Variants in TMEM94 observed in about 807,000 individuals in gnomAD.
The protein encoded by TMEM94 is transmembrane protein 94, also known as ER Mg2+ ATPase.
In TMEM94, 81 loss-of-function variants were observed where a neutral mutation model predicts 158.6. That is an observed-to-expected ratio of 0.51 (90% CI 0.43 to 0.61). TMEM94 has a LOEUF of 0.61. Among genes scored for constraint, TMEM94 ranks in the 20% least tolerant of loss-of-function variants. TMEM94 has a pLI of 0.00. For missense variants in TMEM94, 1,435 were observed against 1,762.0 expected (o/e 0.81, Z 3.32); for synonymous variants, 751 against 730.7 (o/e 1.03, Z -0.45).
chr17:75,494,744 A>C lies in TMEM94; in HGVS notation c.2525A>C (p.Asp842Ala). The change falls in exon 19 of 32, where the codon GAT (aspartate) becomes GCT (alanine). Residue 842 changes from aspartate to alanine, a missense_variant. Asp to Ala is a moderately radical substitution (Grantham distance 126). Around this residue, in one of 3 missense-constraint regions of TMEM94, gnomAD observed 1,051 missense variants for 1,254.4 expected, o/e 0.84. Transcript: ENST00000314256. ...QARLDIVRLI[D>A]GLVNACIRFV... ...CGGCTGGACATCGTGCGCCTCATTG[A>C]TGGGCTTGTCAACGCCTGCATCCGC... 6.2e-7 allele frequency: 1 copy of C among 1,613,672 alleles called. No individual in the cohort carries two copies. Among genetic ancestry groups the C allele is most frequent in the Middle Eastern group, 1.6e-4 (1 of 6,062 alleles).
chr17:75,495,323 A>C lies in TMEM94; in HGVS notation c.2768A>C (p.Glu923Ala). ...GCAGAAGGGCTCCTCCTCATGGAGGAGGAGGGCCACTCGGACCTCATCAGC... is the reference window on the plus strand; with the variant it reads ...GCAGAAGGGCTCCTCCTCATGGAGGCGGAGGGCCACTCGGACCTCATCAGC... Reference protein sequence around the residue: ...DDAEGLLLMEEEGHSDLISFQ... With the variant: ...DDAEGLLLMEAEGHSDLISFQ... Residue 923 changes from glutamate (E) to alanine (A), a missense_variant, in exon 21 of 32, where the codon GAG becomes GCG. Glu to Ala is a moderately radical substitution (Grantham distance 107). Around this residue, in one of 3 missense-constraint regions of TMEM94, gnomAD observed 1,051 missense variants for 1,254.4 expected, o/e 0.84. Transcript: ENST00000314256. The surrounding 1 kb of genome is among the most constrained non-coding windows in gnomAD (Gnocchi z 5.6). The C allele has an allele frequency of 6.2e-7, 1 of 1,613,556 alleles. No homozygotes were observed.
At chr17:75,461,989 T>A (rs181128387) in intron 1 of TMEM94, among the ~76,000 whole-genome samples, 4 of 108,688 alleles carry the variant, frequency 3.7e-5, no homozygotes, top group African/African-American at 1.2e-4. Context: ...ATTTTACAGT[T>A]TTTTTTGTTT....
At position 75,485,607 on chromosome 17, in the gene TMEM94, C is replaced by A; in HGVS notation, c.144+60C>A. On this transcript the variant is annotated intron_variant, in intron 3 of 31. Coordinates refer to ENST00000314256, the MANE Select transcript of TMEM94 (RefSeq NM_014738.6). This position sits in a 1 kb window ranked among gnomAD's most constrained non-coding sequence, Gnocchi z 5.5. ...TGGGATGGCAGGGAAGTGTGGGAGG[C>A]CCCTTCTCAGGACTCTGATGTACCC... 1 of 1,608,526 alleles carries A rather than the reference C, an allele frequency of 6.2e-7. No individual in the cohort carries two copies. Among genetic ancestry groups the A allele is most frequent in the Non-Finnish European group, 8.5e-7 (1 of 1,175,956 alleles).
chr17:75,479,087 A>G (rs941350871), intron 2 of TMEM94, among the ~76,000 whole-genome samples: 2 of 152,054 alleles, frequency 1.3e-5, no homozygotes, highest in African/African-American at 2.4e-5. Context: ...GGCAGAGCCC[A>G]CTCACCCACC....
chr17:75,493,322 A>C, intron 16 of TMEM94, 169 bp from the exon 17 acceptor site: 1 of 837,742 alleles, frequency 1.2e-6, no homozygotes, highest in South Asian at 1.7e-5. Context: ...TGGTGTCTGC[A>C]TTCCAAGCCC....
Position 75,498,095 on chromosome 17 carries a change from C to G in TMEM94, c.3490-80C>G. On this transcript the variant is annotated intron_variant, in intron 27 of 31. Coordinates refer to ENST00000314256, the MANE Select transcript of TMEM94 (RefSeq NM_014738.6). This position sits in a 1 kb window ranked among gnomAD's most constrained non-coding sequence, Gnocchi z 6.7. ...CCCAGGCCTGACCATTTACTAAGAG[C>G]CCGTTGAATACGTGGAAGAGCTAGG... 6 of 1,568,974 alleles carry G rather than the reference C, an allele frequency of 3.8e-6. No homozygotes were observed. The highest frequency in any genetic ancestry group is 5.2e-6 in the Non-Finnish European group (6 of 1,149,538).
intron 1 of TMEM94, among the ~76,000 whole-genome samples, chr17:75,471,061 A>AC (rs1384717303): frequency 2.7e-5 from 4 of 150,908 alleles, no homozygotes; most frequent in Non-Finnish European, 4.4e-5. Flanking sequence ...ATATGGTGAA[A>AC]CCCCGTCTTT....
At chr17:75,462,469 A>G (rs1049760399) in intron 1 of TMEM94, among the ~76,000 whole-genome samples, 2 of 151,636 alleles carry the variant, frequency 1.3e-5, no homozygotes, top group African/African-American at 4.8e-5. Context: ...TATCTCCATA[A>G]TTTCTCAGCT....
In TMEM94 at chr17:75,499,373, G is replaced by A. The variant is rs895702231; in HGVS notation, c.*39G>A. Reference sequence around the variant, plus strand: ...GTGGCTGTAGTTGCCCCCGTCCCTGGGGCTAAAGCCAGACCCATTTCTGAA... The same window carrying A: ...GTGGCTGTAGTTGCCCCCGTCCCTGAGGCTAAAGCCAGACCCATTTCTGAA... On this transcript the variant is annotated 3_prime_UTR_variant, in exon 32 of 32. Coordinates refer to ENST00000314256, the MANE Select transcript of TMEM94 (RefSeq NM_014738.6). The A allele has an allele frequency of 1.3e-6, 2 of 1,582,150 alleles. No homozygotes were observed. Among genetic ancestry groups the A allele is most frequent in the Non-Finnish European group, 1.7e-6 (2 of 1,151,590 alleles).
chr17:75,462,001 G>GTT (rs1230233393), intron 1 of TMEM94, among the ~76,000 whole-genome samples: 27,611 of 82,672 alleles, frequency 0.33, 7,293 homozygotes, highest in Non-Finnish European at 0.44. Flanking sequence ...TTTTTGTTTT[G>GTT]TTTTGTTTTG....
Position 75,495,240 on chromosome 17 carries a change from A to T in TMEM94, c.2729-44A>T. ...CTCTGCAGGGCAAGGACAGGTTCCCAGAAGGCTGGTCCCAAGGTGAGGGAG... is the reference window on the plus strand; with the variant it reads ...CTCTGCAGGGCAAGGACAGGTTCCCTGAAGGCTGGTCCCAAGGTGAGGGAG... On this transcript the variant is annotated intron_variant, in intron 20 of 31. Coordinates refer to ENST00000314256, the MANE Select transcript of TMEM94 (RefSeq NM_014738.6). The surrounding 1 kb of genome is among the most constrained non-coding windows in gnomAD (Gnocchi z 5.6). The T allele has an allele frequency of 6.6e-7, 1 of 1,508,554 alleles. No individual in the cohort carries two copies. The highest frequency in any genetic ancestry group is 2.3e-5 in the East Asian group (1 of 43,758). 93.4% of individuals were successfully genotyped at this position (1,508,554 alleles called of 1,614,324 possible).
Position 75,486,279 on chromosome 17 carries a change from C to T in TMEM94, c.273-11C>T. ...CTCCCTGTGGGTGCGGCCTCTCTTT[C>T]CTCCCACCAGCCGTGGGGTGGGGCT... On this transcript the variant is annotated splice_polypyrimidine_tract_variant and intron_variant, in intron 4 of 31. Transcript: ENST00000314256. 1 of 1,613,904 alleles carries T rather than the reference C, an allele frequency of 6.2e-7. No individual in the cohort carries two copies. The highest frequency in any genetic ancestry group is 8.5e-7 in the Non-Finnish European group (1 of 1,179,828).
chr17:75,497,709 A>G, intron 26 of TMEM94, 72 bp from the exon 27 acceptor site: 4 of 1,289,070 alleles, frequency 3.1e-6, no homozygotes, highest in Admixed American at 1.7e-5. Flanking sequence ...GACTCCCTAG[A>G]GGTTCCCTCT....
intron 1 of TMEM94, among the ~76,000 whole-genome samples, chr17:75,460,167 C>CCA (rs1278271103): frequency 6.6e-6 from 1 of 152,102 alleles, no homozygotes; most frequent in Non-Finnish European, 1.5e-5. Flanking sequence ...TCTCTAGCTC[C>CCA]CAAGGCCAGA....
chr17:75,496,369 T>C lies in TMEM94; in HGVS notation c.3141T>C (p.Asp1047=), dbSNP rs768204716. 9 of 1,614,066 alleles carry C rather than the reference T, an allele frequency of 5.6e-6. No individual in the cohort carries two copies. Among genetic ancestry groups the C allele is most frequent in the Non-Finnish European group, 7.6e-6 (9 of 1,180,036 alleles). ...ATSISMAQAS[D]GLSPLQLSGQ... Reference sequence around the variant, plus strand: ...GCATCAGCATGGCCCAGGCCTCGGATGGCCTTTCTCCCCTGCAGCTGTCAG... The same window carrying C: ...GCATCAGCATGGCCCAGGCCTCGGACGGCCTTTCTCCCCTGCAGCTGTCAG... Residue 1047 remains aspartate (D), a synonymous_variant, in exon 24 of 32, where the codon GAT becomes GAC. Coordinates refer to ENST00000314256, the MANE Select transcript of TMEM94 (RefSeq NM_014738.6).
chr17:75,495,046 G>T lies in TMEM94; in HGVS notation c.2728+12G>T. 1 of 1,611,464 alleles carries T rather than the reference G, an allele frequency of 6.2e-7. No homozygotes were observed. Among genetic ancestry groups the T allele is most frequent in the Non-Finnish European group, 8.5e-7 (1 of 1,179,040 alleles). On this transcript the variant is annotated intron_variant, in intron 20 of 31. Transcript: ENST00000314256. This position sits in a 1 kb window ranked among gnomAD's most constrained non-coding sequence, Gnocchi z 5.6. ...TGACCTGAATCAGGGTAAGGGCAAA[G>T]GCGTGGGGTGGGGACGGGGTGGCGG...
intron 10 of TMEM94, 35 bp downstream of exon 10, chr17:75,490,385 G>A (rs1281057332): frequency 6.3e-7 from 1 of 1,599,434 alleles, no homozygotes; most frequent in Admixed American, 1.7e-5. Context: ...GGAAGTCACA[G>A]GAACAAAAAG....
chr17:75,470,235 C>T (rs1472076247), intron 1 of TMEM94, among the ~76,000 whole-genome samples: 1 of 151,988 alleles, frequency 6.6e-6, no homozygotes, highest in Non-Finnish European at 1.5e-5. Flanking sequence ...TTTTAAGAGG[C>T]TGAGGTGGGG....
chr17:75,495,455 G>A lies in TMEM94; in HGVS notation c.2844+56G>A. On this transcript the variant is annotated intron_variant, in intron 21 of 31. Coordinates refer to ENST00000314256, the MANE Select transcript of TMEM94 (RefSeq NM_014738.6). The surrounding 1 kb of genome is among the most constrained non-coding windows in gnomAD (Gnocchi z 5.6). ...CTGTAGTGGTCCCATAGCTGGTCCA[G>A]GGGAGAGGTAGAGAGGTGGTGGGCA... 1 of 1,590,194 alleles carries A rather than the reference G, an allele frequency of 6.3e-7. No homozygotes were observed. Among genetic ancestry groups the A allele is most frequent in the Non-Finnish European group, 8.6e-7 (1 of 1,159,276 alleles).
Sources: allele counts gnomAD v4.1 joint callset (sites outside exome capture counted in the v4.1 genomes callset), GRCh38; gene constraint gnomAD v4.1.1; regional missense constraint gnomAD v4.1.1; non-coding constraint Gnocchi (gnomAD v3.1); transcripts MANE v1.5; gene names NCBI Gene and HGNC (gene_info 2026-07-23, HGNC 2026-07-21).